SENP7: variants seen among roughly 807,000 people sequenced by gnomAD.
SENP7 encodes the protein SUMO specific peptidase 7.
A neutral mutation model predicts 141.2 loss-of-function variants in SENP7; 64 were observed. The ratio of observed to expected loss-of-function variants is 0.45; its 90% confidence interval spans 0.37 to 0.56. SENP7 has a LOEUF of 0.56. SENP7 is among the 20% of genes least tolerant of loss of function. The probability of loss-of-function intolerance (pLI) is 0.00; values close to 1 mark genes in which losing one functional copy is unlikely to be tolerated. For missense variants in SENP7, 1,025 were observed against 1,212.2 expected (o/e 0.85, Z 2.29); for synonymous variants, 382 against 426.4 (o/e 0.90, Z 1.28).
At chr3:101,367,366 TATG>T (rs1047190896) in intron 8 of SENP7, among the ~76,000 whole-genome samples, 3 of 152,046 alleles carry the variant, frequency 2.0e-5, no homozygotes, top group African/African-American at 7.2e-5. Context: ...ATGTATTTAA[TATG>T]ATAATTCTTT....
intron 3 of SENP7, among the ~76,000 whole-genome samples, chr3:101,467,744 G>C (rs550754124): frequency 1.7e-4 from 26 of 152,248 alleles, no homozygotes; most frequent in Admixed American, 1.4e-3. Flanking sequence ...AACCACAAAG[G>C]GGGAGAAACT....
intron 3 of SENP7, among the ~76,000 whole-genome samples, chr3:101,468,306 T>A (rs1290520437): frequency 2.0e-5 from 3 of 152,200 alleles, no homozygotes; most frequent in African/African-American, 7.2e-5. Context: ...CCAGGAGAAC[T>A]TCCCCAACTT....
At chr3:101,485,718 A>G (rs574056294) in intron 3 of SENP7, among the ~76,000 whole-genome samples, 1 of 152,300 alleles carries the variant, frequency 6.6e-6, no homozygotes, top group South Asian at 2.1e-4. Context: ...ACCCCCCACC[A>G]AAATCACACT....
chr3:101,356,554 A>G (rs1021124164), intron 11 of SENP7, among the ~76,000 whole-genome samples: 1 of 152,214 alleles, frequency 6.6e-6, no homozygotes, highest in Non-Finnish European at 1.5e-5. Context: ...ATTAGTTTTT[A>G]TACTCAACAC....
intron 7 of SENP7, among the ~76,000 whole-genome samples, chr3:101,368,356 G>A (rs2060091760): frequency 6.6e-6 from 1 of 151,286 alleles, no homozygotes; most frequent in African/African-American, 2.4e-5. Context: ...AGGGGATTAA[G>A]AAAATGTGGC....
chr3:101,426,869 A>C (rs1281575230), intron 4 of SENP7, among the ~76,000 whole-genome samples: 8 of 152,178 alleles, frequency 5.3e-5, no homozygotes, highest in Admixed American at 4.6e-4. Flanking sequence ...GAAGCACTAA[A>C]TATGGAAAGG....
At chr3:101,356,445 T>G (rs929261991) in intron 11 of SENP7, among the ~76,000 whole-genome samples, 4 of 152,298 alleles carry the variant, frequency 2.6e-5, no homozygotes, top group African/African-American at 9.6e-5. Flanking sequence ...AAAAAAATTT[T>G]TTCAAGGAAA....
At chr3:101,426,776 C>A (rs1284173143) in intron 4 of SENP7, among the ~76,000 whole-genome samples, 1 of 152,124 alleles carries the variant, frequency 6.6e-6, no homozygotes, top group Non-Finnish European at 1.5e-5. Flanking sequence ...GCCATGGCAC[C>A]CAGCCTAAGA....
chr3:101,436,380 A>G (rs1258631813), intron 4 of SENP7, among the ~76,000 whole-genome samples: 1 of 152,212 alleles, frequency 6.6e-6, no homozygotes, highest in Non-Finnish European at 1.5e-5. Context: ...TTCTTCAGCA[A>G]TACCCCACAA....
At chr3:101,381,559 A>G (rs1488630991) in intron 6 of SENP7, among the ~76,000 whole-genome samples, 1 of 152,062 alleles carries the variant, frequency 6.6e-6, no homozygotes, top group East Asian at 1.9e-4. Context: ...ATAAATATGC[A>G]TTATTGTTCA....
intron 4 of SENP7, among the ~76,000 whole-genome samples, chr3:101,453,878 A>T (rs1422534533): frequency 3.1e-4 from 46 of 150,214 alleles, no homozygotes; most frequent in African/African-American, 6.9e-4. Context: ...TAAAAAATTA[A>T]AAAAAAAAAA....
In SENP7 at chr3:101,495,070, T is replaced by C. The variant is rs563127326; in HGVS notation, c.91-1102A>G. Among the ~76,000 whole-genome samples, 3 of 152,182 alleles carry C rather than the reference T, an allele frequency of 2.0e-5. No homozygotes were observed. The South Asian group carries it at 6.2e-4, about 32-fold the overall frequency. On this transcript the variant is annotated intron_variant, in intron 2 of 23. Transcript: ENST00000394095. ...TAATATCCAGAGTCTACAAGGAACATAAATTTATAAGAAAAAAAATTCCCA... is the reference window on the plus strand; with the variant it reads ...TAATATCCAGAGTCTACAAGGAACACAAATTTATAAGAAAAAAAATTCCCA...
At chr3:101,397,473 C>A (rs1211439368) in intron 6 of SENP7, among the ~76,000 whole-genome samples, 1 of 152,174 alleles carries the variant, frequency 6.6e-6, no homozygotes, top group East Asian at 1.9e-4. Flanking sequence ...CTAATTTCCC[C>A]AATTACACAT....
intron 4 of SENP7, among the ~76,000 whole-genome samples, chr3:101,425,139 T>C (rs2061918824): frequency 6.6e-6 from 1 of 152,186 alleles, no homozygotes; most frequent in South Asian, 2.1e-4. Flanking sequence ...GGTATGCCTT[T>C]ATCAACAGCC....
chr3:101,407,288 A>G (rs1707668305), intron 5 of SENP7, among the ~76,000 whole-genome samples: 1 of 152,194 alleles, frequency 6.6e-6, no homozygotes, highest in Admixed American at 6.5e-5. Flanking sequence ...TTTATAAAAC[A>G]ACTACTAATA....
intron 2 of SENP7, among the ~76,000 whole-genome samples, chr3:101,496,904 G>A (rs1036468083): frequency 6.6e-6 from 1 of 152,144 alleles, no homozygotes; most frequent in Non-Finnish European, 1.5e-5. Flanking sequence ...AATTCAACAC[G>A]TATTAGTATC....
intron 3 of SENP7, among the ~76,000 whole-genome samples, chr3:101,470,725 A>AT (rs1199565219): frequency 2.0e-5 from 3 of 152,210 alleles, no homozygotes; most frequent in African/African-American, 7.2e-5. Context: ...CTGTTTGCAG[A>AT]TGACATGATT....
rs540681348 is a variant in SENP7 at position 101,485,253 on chromosome 3, C to T, written c.186+8620G>A. Among the ~76,000 whole-genome samples, 16 of 152,176 alleles carry T rather than the reference C, an allele frequency of 1.1e-4. 1 individual carries two copies. In the South Asian group the frequency reaches 3.1e-3, roughly 30 times the overall value. ...CACCGCCAGTGCCTCTCTATCCTAC[C>T]ATAGCTGATGCTTTCTGGAAAGGGT... On this transcript the variant is annotated intron_variant, in intron 3 of 23. Transcript: ENST00000394095.
At chr3:101,447,906 T>C (rs1315277810) in intron 4 of SENP7, among the ~76,000 whole-genome samples, 2 of 152,154 alleles carry the variant, frequency 1.3e-5, no homozygotes, top group Non-Finnish European at 2.9e-5. Flanking sequence ...AGAATAGAAT[T>C]GAGAATGCAG....
Sources: allele counts gnomAD v4.1 joint callset (sites outside exome capture counted in the v4.1 genomes callset), GRCh38; gene constraint gnomAD v4.1.1; transcripts MANE v1.5; gene names NCBI Gene and HGNC (gene_info 2026-07-23, HGNC 2026-07-21).